Variants in EXT1 observed in about 807,000 individuals in gnomAD.
EXT1 encodes exostosin-1.
Under a neutral mutation model 82.5 loss-of-function variants are expected in EXT1, and 20 were observed. The observed-to-expected ratio is 0.24, with a 90% CI of 0.17 to 0.35. The LOEUF (loss-of-function observed/expected upper bound fraction) is 0.35, where lower values mean the gene tolerates loss of function less well. EXT1 is among the 10% of genes least tolerant of loss of function. The pLI is 1.00. For synonymous variants in EXT1, 348 were observed against 350.8 expected (o/e 0.99, Z 0.09); for missense variants, 757 against 936.5 (o/e 0.81, Z 2.50).
chr8:117,799,673 A>C lies in EXT1; in HGVS notation c.*39T>G, dbSNP rs1009473848. 3.1e-6 allele frequency: 5 copies of C among 1,607,834 alleles called. No homozygotes were observed. Among genetic ancestry groups the C allele is most frequent in the Non-Finnish European group, 4.3e-6 (5 of 1,174,758 alleles). ...GGGAAGAGAGAGCAGCTTGACCCCC[A>C]TCCCTTCTTGCTTCCCCTCCCCCAC... is the stretch of plus-strand genomic sequence containing the variant. On this transcript the variant is annotated 3_prime_UTR_variant, in exon 11 of 11. Coordinates refer to ENST00000378204, the MANE Select transcript of EXT1 (RefSeq NM_000127.3).
chr8:117,860,139 T>A (rs1408258505), intron 1 of EXT1, among the ~76,000 whole-genome samples: 1 of 110,376 alleles, frequency 9.1e-6, no homozygotes, highest in East Asian at 2.4e-4. Flanking sequence ...AGAGCAAGAT[T>A]CTATCTCAAA....
chr8:118,020,136 T>C (rs1217986833), intron 1 of EXT1, among the ~76,000 whole-genome samples: 3 of 152,246 alleles, frequency 2.0e-5, no homozygotes, highest in African/African-American at 4.8e-5. Context: ...TGGGGTTTTA[T>C]TAGTCATTCT....
At chr8:118,085,722 G>C (rs138148550) in intron 1 of EXT1, among the ~76,000 whole-genome samples, 56 of 149,176 alleles carry the variant, frequency 3.8e-4, no homozygotes, top group African/African-American at 1.3e-3. Context: ...TGTGACGGAG[G>C]CAAAAAAAAA....
intron 1 of EXT1, among the ~76,000 whole-genome samples, chr8:117,864,532 G>A (rs1248378655): frequency 1.3e-5 from 2 of 152,062 alleles, no homozygotes; most frequent in African/African-American, 2.4e-5. Context: ...GGCGGATCAC[G>A]AGGTCAGGAG....
intron 1 of EXT1, among the ~76,000 whole-genome samples, chr8:117,943,240 T>C (rs1814322137): frequency 6.6e-6 from 1 of 152,176 alleles, no homozygotes; most frequent in African/African-American, 2.4e-5. Context: ...AGAGTAGGGG[T>C]AAACAGACAC....
At chr8:118,016,398 T>C (rs111932021) in intron 1 of EXT1, among the ~76,000 whole-genome samples, 8 of 152,078 alleles carry the variant, frequency 5.3e-5, no homozygotes, top group Non-Finnish European at 1.2e-4. Flanking sequence ...GTCTCAAAAA[T>C]AAATAAATGA....
intron 1 of EXT1, among the ~76,000 whole-genome samples, chr8:117,918,740 G>T (rs1813800267): frequency 6.6e-6 from 1 of 152,230 alleles, no homozygotes; most frequent in Non-Finnish European, 1.5e-5. Context: ...TGCAGCCACA[G>T]GAGTGACCCC....
At chr8:118,086,964 T>G (rs1241085033) in intron 1 of EXT1, among the ~76,000 whole-genome samples, 7 of 152,224 alleles carry the variant, frequency 4.6e-5, no homozygotes, top group African/African-American at 1.7e-4. Context: ...TACAAGACTC[T>G]GCAACATCAC....
chr8:117,833,047 T>C (rs927600230), intron 3 of EXT1, among the ~76,000 whole-genome samples: 9 of 152,154 alleles, frequency 5.9e-5, no homozygotes, highest in African/African-American at 2.2e-4. Flanking sequence ...ATCCCAGCTG[T>C]TCTAAAACAG....
intron 1 of EXT1, among the ~76,000 whole-genome samples, chr8:118,090,122 G>A (rs939348131): frequency 6.6e-6 from 1 of 152,134 alleles, no homozygotes; most frequent in Non-Finnish European, 1.5e-5. Flanking sequence ...CCAAAAACCT[G>A]TAAAAAAGAG....
At chr8:117,903,149 T>A (rs1813480856) in intron 1 of EXT1, among the ~76,000 whole-genome samples, 1 of 152,226 alleles carries the variant, frequency 6.6e-6, no homozygotes, top group South Asian at 2.1e-4. Flanking sequence ...AGACCATGCA[T>A]CTGGTCTTTC....
intron 1 of EXT1, among the ~76,000 whole-genome samples, chr8:118,038,411 C>A (rs1002068566): frequency 6.6e-6 from 1 of 152,164 alleles, no homozygotes; most frequent in African/African-American, 2.4e-5. Context: ...TGTGCAGAAT[C>A]CCTGTAGAGT....
intron 1 of EXT1, among the ~76,000 whole-genome samples, chr8:117,979,409 C>A (rs1304901614): frequency 6.6e-6 from 1 of 151,826 alleles, no homozygotes; most frequent in Non-Finnish European, 1.5e-5. Flanking sequence ...AGATCCTTAT[C>A]CATTACTTAT....
chr8:117,832,117 C>T (rs17439840), intron 3 of EXT1, among the ~76,000 whole-genome samples: 13,664 of 152,184 alleles, frequency 0.09, 788 homozygotes, highest in African/African-American at 0.16. Context: ...TAGAAAAAAA[C>T]TATCCTGTTC....
At chr8:117,982,039 T>C (rs1055161882) in intron 1 of EXT1, among the ~76,000 whole-genome samples, 3 of 152,242 alleles carry the variant, frequency 2.0e-5, no homozygotes, top group Admixed American at 6.5e-5. Flanking sequence ...CTATTGCTGC[T>C]GTAATAAATT....
intron 1 of EXT1, among the ~76,000 whole-genome samples, chr8:117,954,102 G>C (rs986630747): frequency 1.3e-5 from 2 of 152,056 alleles, no homozygotes; most frequent in Non-Finnish European, 2.9e-5. Flanking sequence ...TTCTGGTCTT[G>C]TTCTTCCTTT....
intron 1 of EXT1, among the ~76,000 whole-genome samples, chr8:118,108,783 C>T (rs546286009): frequency 1.4e-4 from 21 of 152,278 alleles, no homozygotes; most frequent in African/African-American, 5.1e-4. Flanking sequence ...GACAATCAAA[C>T]CTTTCATTTC....
At chr8:117,955,141 T>G (rs1413151428) in intron 1 of EXT1, among the ~76,000 whole-genome samples, 1 of 152,198 alleles carries the variant, frequency 6.6e-6, no homozygotes, top group Non-Finnish European at 1.5e-5. Flanking sequence ...CTGTGTGATG[T>G]CCAGAAAAGT....
chr8:118,025,660 G>A (rs1275613049), intron 1 of EXT1, among the ~76,000 whole-genome samples: 3 of 152,206 alleles, frequency 2.0e-5, no homozygotes, highest in Non-Finnish European at 2.9e-5. Flanking sequence ...GTAGCTGAGA[G>A]GCTAAATGAT....
Sources: allele counts gnomAD v4.1 joint callset (sites outside exome capture counted in the v4.1 genomes callset), GRCh38; gene constraint gnomAD v4.1.1; transcripts MANE v1.5; gene names NCBI Gene and HGNC (gene_info 2026-07-23, HGNC 2026-07-21).